Variants in XRN2 observed in about 807,000 individuals in gnomAD.
The protein encoded by XRN2 is DHM1-like protein.
Under a neutral mutation model 138.5 loss-of-function variants are expected in XRN2, and 44 were observed. That is an observed-to-expected ratio of 0.32 (90% CI 0.25 to 0.41). XRN2 has a LOEUF of 0.41. XRN2 is among the 10% of genes least tolerant of loss of function. The pLI, the probability that XRN2 is intolerant of heterozygous loss-of-function variation, is 1.00. For synonymous variants in XRN2, 354 were observed against 369.4 expected, an observed-to-expected ratio of 0.96 and a Z score of 0.48; for missense variants, 937 against 1,169.3, an observed-to-expected ratio of 0.80 and a Z score of 2.90.
Position 21,389,558 on chromosome 20 carries a change from A to G in XRN2, c.*220A>G. The G allele has an allele frequency of 9.7e-6, 4 of 412,700 alleles. No individual in the cohort carries two copies. The South Asian group carries it at 1.8e-4, about 19-fold the overall frequency. 25.6% of individuals were successfully genotyped at this position (412,700 alleles called of 1,614,324 possible). A position where few individuals can be genotyped will look rare whatever the true frequency, so the allele number is the denominator to read the frequency against. ...GATCTGAATTTATTATTGCTTATAA[A>G]ACACATTTGATGGAATAGGAGTACT... On this transcript the variant is annotated 3_prime_UTR_variant, in exon 30 of 30. Coordinates refer to ENST00000377191, the MANE Select transcript of XRN2 (RefSeq NM_012255.5).
rs2038464649 is a variant in XRN2 at position 21,348,348 on chromosome 20, CA to C, written c.1782del (p.Leu595Ter). On this transcript the variant is annotated frameshift_variant, in exon 19 of 30. Coordinates refer to ENST00000377191, the MANE Select transcript of XRN2 (RefSeq NM_012255.5). LOFTEE classifies it high-confidence loss of function. Reference protein sequence around the residue: ...DFEKGTKPFKPLEQLMGVFPA... With the variant: ...DFEKGTKPFKXLEQLMGVFPA... ...TGTTTTTTCTTTTTTCAGTTTAAAC[CA>C]CTAGAACAACTTATGGGGGTATTTC... The C allele has an allele frequency of 6.2e-7, 1 of 1,613,632 alleles. No individual in the cohort carries two copies. The highest frequency in any genetic ancestry group is 1.1e-5 in the South Asian group (1 of 91,060).
chr20:21,368,803 A>G (rs1320729197), intron 27 of XRN2, among the ~76,000 whole-genome samples: 2 of 152,138 alleles, frequency 1.3e-5, no homozygotes, highest in South Asian at 2.1e-4. Context: ...GTAGCTGTAT[A>G]TATTTATGGG....
intron 6 of XRN2, 125 bp from the exon 7 acceptor site, chr20:21,331,436 C>CAA (rs2038205920): frequency 1.4e-6 from 1 of 726,250 alleles, no homozygotes; most frequent in Non-Finnish European, 2.4e-6. Context: ...CACACACACA[C>CAA]ACCCTTATTC....
chr20:21,373,986 G>A (rs968975599), intron 27 of XRN2, among the ~76,000 whole-genome samples: 3 of 152,112 alleles, frequency 2.0e-5, no homozygotes, highest in African/African-American at 7.2e-5. Flanking sequence ...GTGGGTGAAG[G>A]GGATGTGGGA....
chr20:21,375,189 T>A (rs565868179), intron 27 of XRN2, among the ~76,000 whole-genome samples: 1 of 148,238 alleles, frequency 6.7e-6, no homozygotes, highest in African/African-American at 2.5e-5. Context: ...TCTATTTAAT[T>A]TTTTTTTTTT....
Position 21,348,227 on chromosome 20 carries a change from T to C in XRN2, c.1747T>C (p.Ser583Pro), listed in dbSNP as rs2122251593. 6.2e-7 allele frequency: 1 copy of C among 1,614,062 alleles called. No homozygotes were observed. Among genetic ancestry groups the C allele is most frequent in the East Asian group, 2.2e-5 (1 of 44,862 alleles). The stretch of plus-strand genomic sequence containing the variant: ...CTTTGAAGGCATTGCAGACATGCCA[T>C]CTGATTTTGAGAAGGGTACGAAACC... ...SDFEGIADMPSDFEKGTKPFK... is the reference protein window; with the variant it reads ...SDFEGIADMPPDFEKGTKPFK... The change falls in exon 18 of 30, where the codon TCT becomes CCT. Residue 583 changes from serine (S) to proline (P), a missense_variant. By Grantham distance (74) the Ser-to-Pro change is moderately conservative. This residue lies in a region of XRN2 where 471 missense variants were observed against 581.2 expected (regional missense o/e 0.81). Coordinates refer to ENST00000377191, the MANE Select transcript of XRN2 (RefSeq NM_012255.5).
intron 15 of XRN2, 132 bp from the exon 16 acceptor site, chr20:21,343,958 A>T (rs917309052): frequency 8.3e-6 from 5 of 605,424 alleles, no homozygotes; most frequent in Non-Finnish European, 1.5e-5. Context: ...CCTTCTAAAT[A>T]TGTTTACCAT....
intron 1 of XRN2, among the ~76,000 whole-genome samples, chr20:21,314,817 A>C (rs771811481): frequency 1.3e-4 from 20 of 152,148 alleles, no homozygotes; most frequent in Non-Finnish European, 2.2e-4. Flanking sequence ...TTGCTTACCA[A>C]CTTGTCTGAG....
intron 26 of XRN2, among the ~76,000 whole-genome samples, chr20:21,366,929 T>G (rs2038711405): frequency 6.6e-6 from 1 of 152,234 alleles, no homozygotes; most frequent in Non-Finnish European, 1.5e-5. Context: ...TTCTGACTCT[T>G]ACTTCAAGGG....
At chr20:21,343,625 A>G (rs968201122) in intron 15 of XRN2, among the ~76,000 whole-genome samples, 2 of 150,600 alleles carry the variant, frequency 1.3e-5, no homozygotes, top group African/African-American at 4.9e-5. Flanking sequence ...ATTATATATT[A>G]TATGCTATAT....
At chr20:21,340,912 G>C (rs1463109391) in intron 15 of XRN2, 60 bp downstream of exon 15, 24 of 1,577,312 alleles carry the variant, frequency 1.5e-5, no homozygotes, top group Middle Eastern at 3.4e-4. Flanking sequence ...CCTCTTGCAG[G>C]GGTGGTGTGT....
chr20:21,344,343 G>T, intron 16 of XRN2, 135 bp downstream of exon 16: 1 of 677,308 alleles, frequency 1.5e-6, no homozygotes, highest in Non-Finnish European at 2.6e-6. Flanking sequence ...TAATTAATGT[G>T]GAGGGTTAGA....
At chr20:21,364,859 A>G (rs2038676599) in intron 24 of XRN2, among the ~76,000 whole-genome samples, 1 of 151,330 alleles carries the variant, frequency 6.6e-6, no homozygotes, top group Admixed American at 6.6e-5. Flanking sequence ...AAATTATTTT[A>G]TTACTTAAAA....
intron 20 of XRN2, among the ~76,000 whole-genome samples, chr20:21,352,948 A>C (rs1233062986): frequency 6.6e-6 from 1 of 152,070 alleles, no homozygotes; most frequent in Non-Finnish European, 1.5e-5. Flanking sequence ...CATGTTTACT[A>C]TCAGCTCACT....
intron 6 of XRN2, among the ~76,000 whole-genome samples, chr20:21,331,296 A>G (rs985138903): frequency 6.6e-6 from 1 of 151,856 alleles, no homozygotes. Context: ...ATTCCTTTCC[A>G]TTACATGTAG....
At chr20:21,356,750 C>A in intron 23 of XRN2, 85 bp downstream of exon 23, 1 of 1,136,958 alleles carries the variant, frequency 8.8e-7, no homozygotes, top group Non-Finnish European at 1.3e-6. Flanking sequence ...TGTTTATTTT[C>A]TAATAATAGT....
chr20:21,304,853 T>G (rs920553566), intron 1 of XRN2, among the ~76,000 whole-genome samples: 1 of 152,252 alleles, frequency 6.6e-6, no homozygotes, highest in Non-Finnish European at 1.5e-5. Context: ...GTTTGTCAGC[T>G]GTACTTTTGC....
intron 27 of XRN2, among the ~76,000 whole-genome samples, chr20:21,378,799 T>G (rs2038852336): frequency 6.6e-6 from 1 of 152,200 alleles, no homozygotes; most frequent in Non-Finnish European, 1.5e-5. Flanking sequence ...AGAAGGGCCA[T>G]TTGGTCAAAC....
rs79179684 is a variant in XRN2, at chr20:21,341,559, A to G, written c.1410+707A>G. 6.6e-4 allele frequency among the ~76,000 whole-genome samples: 100 copies of G among 152,324 alleles called. No individual in the cohort carries two copies. In the East Asian group the frequency reaches 0.016, roughly 24 times the overall value. On this transcript the variant is annotated intron_variant, in intron 15 of 29. Transcript: ENST00000377191. ...ACTTTGTCCACCACCTTCCTATTGT[A>G]GTGGAAATAGACCATGAGCTCTCAG...
Sources: gnomAD v4.1 joint callset for allele counts (sites outside exome capture counted in the v4.1 genomes callset) on GRCh38, gnomAD v4.1.1 for gene constraint, gnomAD v4.1.1 regional missense constraint, MANE v1.5 for transcripts, NCBI Gene and HGNC (gene_info 2026-07-23, HGNC 2026-07-21) for gene names.